LRRTM4: variants seen among roughly 807,000 people sequenced by gnomAD.
LRRTM4 encodes the protein leucine rich repeat transmembrane neuronal 4.
Under a neutral mutation model 47.6 loss-of-function variants are expected in LRRTM4, and 25 were observed. That is an observed-to-expected ratio of 0.53 (90% CI 0.38 to 0.73). The LOEUF (loss-of-function observed/expected upper bound fraction) is 0.73. Ranked by LOEUF, LRRTM4 falls within the 30% of genes least tolerant of loss-of-function variation. The pLI is 0.00. For missense variants in LRRTM4, 638 were observed against 713.4 expected (o/e 0.89, Z 1.20); for synonymous variants, 311 against 269.5 (o/e 1.15, Z -1.51).
intron 3 of LRRTM4, among the ~76,000 whole-genome samples, chr2:76,772,134 G>A: frequency 6.6e-6 from 1 of 152,116 alleles, no homozygotes; most frequent in Non-Finnish European, 1.5e-5. Context: ...GATCATAAGA[G>A]TGGAGCTCTC....
At chr2:77,412,587 T>C (rs536281118) in intron 3 of LRRTM4, among the ~76,000 whole-genome samples, 2 of 152,306 alleles carry the variant, frequency 1.3e-5, no homozygotes, top group African/African-American at 2.4e-5. Flanking sequence ...ACTGAAGATA[T>C]GACAACATTG....
chr2:77,069,226 C>T (rs1205244246), intron 3 of LRRTM4, among the ~76,000 whole-genome samples: 1 of 152,046 alleles, frequency 6.6e-6, no homozygotes, highest in African/African-American at 2.4e-5. Context: ...GTCTCCCCGA[C>T]CGAGTTGGTC....
intron 3 of LRRTM4, among the ~76,000 whole-genome samples, chr2:77,038,382 T>A (rs1320593091): frequency 6.6e-6 from 1 of 151,596 alleles, no homozygotes; most frequent in African/African-American, 2.4e-5. Context: ...AGTCCTAAAA[T>A]AGAATCTGCT....
intron 3 of LRRTM4, among the ~76,000 whole-genome samples, chr2:76,865,660 T>C (rs1672445995): frequency 6.6e-6 from 1 of 152,152 alleles, no homozygotes; most frequent in South Asian, 2.1e-4. Flanking sequence ...TATTTTAGAA[T>C]AAAAGGAATC....
chr2:77,396,941 T>C (rs186996865), intron 3 of LRRTM4, among the ~76,000 whole-genome samples: 161 of 152,068 alleles, frequency 1.1e-3, no homozygotes, highest in African/African-American at 3.7e-3. Context: ...ATAAATCACA[T>C]GTAATAGCAA....
At chr2:76,790,269 GTATGGGGA>G (rs1674903018) in intron 3 of LRRTM4, among the ~76,000 whole-genome samples, 1 of 152,154 alleles carries the variant, frequency 6.6e-6, no homozygotes, top group African/African-American at 2.4e-5. Flanking sequence ...CAGTACGGTG[GTATGGGGA>G]TATGGTGCAG....
intron 3 of LRRTM4, among the ~76,000 whole-genome samples, chr2:77,259,012 C>T (rs1345652161): frequency 1.3e-5 from 2 of 151,910 alleles, no homozygotes; most frequent in Admixed American, 1.3e-4. Context: ...AACATCAAAA[C>T]ACATTTAAAA....
chr2:77,337,460 A>G (rs1301745229), intron 3 of LRRTM4, among the ~76,000 whole-genome samples: 2 of 152,100 alleles, frequency 1.3e-5, no homozygotes, highest in Non-Finnish European at 2.9e-5. Flanking sequence ...TGTAATCCCA[A>G]TAATCTCCAC....
chr2:77,292,341 T>TA (rs1676848851), intron 3 of LRRTM4, among the ~76,000 whole-genome samples: 2 of 151,504 alleles, frequency 1.3e-5, no homozygotes, highest in Admixed American at 6.6e-5. Context: ...GCCATCCCAT[T>TA]ACTGGGTATA....
chr2:76,873,256 G>A (rs930443202), intron 3 of LRRTM4, among the ~76,000 whole-genome samples: 1 of 151,984 alleles, frequency 6.6e-6, no homozygotes, highest in South Asian at 2.1e-4. Flanking sequence ...TTAAAGACAA[G>A]AGGAAACCCA....
intron 3 of LRRTM4, among the ~76,000 whole-genome samples, chr2:77,275,695 G>A (rs34224987): frequency 3.3e-5 from 5 of 151,994 alleles, no homozygotes; most frequent in Admixed American, 6.6e-5. Context: ...ACCTGGACTG[G>A]CCTTTACTCA....
intron 3 of LRRTM4, among the ~76,000 whole-genome samples, chr2:76,857,301 G>GTATATATAATA (rs139653194): frequency 0.093 from 13,584 of 146,032 alleles, 2,029 homozygotes; most frequent in African/African-American, 0.31. Context: ...TAAAAACACA[G>GTATATATAATA]TATATATAAT....
chr2:76,993,035 G>A (rs187075504), intron 3 of LRRTM4, among the ~76,000 whole-genome samples: 274 of 151,648 alleles, frequency 1.8e-3, no homozygotes, highest in African/African-American at 5.9e-3. Flanking sequence ...GGACTTCCTC[G>A]TCAATAACTG....
intron 3 of LRRTM4, among the ~76,000 whole-genome samples, chr2:76,768,167 T>G (rs1169712039): frequency 6.6e-6 from 1 of 152,300 alleles, no homozygotes; most frequent in East Asian, 1.9e-4. Context: ...GGCCTTTGGT[T>G]TGAAAATATA....
intron 3 of LRRTM4, among the ~76,000 whole-genome samples, chr2:77,237,621 TTACACCCACATA>T (rs566922650): frequency 1.2e-3 from 180 of 152,188 alleles, no homozygotes; most frequent in South Asian, 2.3e-3. Flanking sequence ...TTGGGGGTGT[TTACACCCACATA>T]TAGGTTCATC....
chr2:76,917,730 A>G (rs1475747485), intron 3 of LRRTM4, among the ~76,000 whole-genome samples: 1 of 152,168 alleles, frequency 6.6e-6, no homozygotes, highest in Non-Finnish European at 1.5e-5. Context: ...TATGTCCCAC[A>G]AAGGACAGTC....
At chr2:76,826,548 TATGCAAAGAGTGGATTTTGAA>T (rs1322022991) in intron 3 of LRRTM4, among the ~76,000 whole-genome samples, 2 of 151,646 alleles carry the variant, frequency 1.3e-5, no homozygotes, top group African/African-American at 4.8e-5. Context: ...AATACATATA[TATGCAAAGAGTGGATTTTGAA>T]ATTTATCTGT....
rs375442117 is a variant in LRRTM4, at chr2:76,748,655, C to T, written c.*40G>A. The T allele has an allele frequency of 1.6e-6, 2 of 1,228,132 alleles. No homozygotes were observed. Among genetic ancestry groups the T allele is most frequent in the Admixed American group, 1.7e-5 (1 of 58,372 alleles). 76.1% of individuals were successfully genotyped at this position (1,228,132 alleles called of 1,614,324 possible). A position where few individuals can be genotyped will look rare whatever the true frequency, so the allele number is the denominator to read the frequency against. ...CTCCTTTAAGATGAAGGCCCTCCCTCCCCCCCATGGAGCTCCCCAGTGAGG... is the reference window on the plus strand; with the variant it reads ...CTCCTTTAAGATGAAGGCCCTCCCTTCCCCCCATGGAGCTCCCCAGTGAGG... On this transcript the variant is annotated 3_prime_UTR_variant, in exon 4 of 4. Coordinates refer to ENST00000409884, the MANE Select transcript of LRRTM4 (RefSeq NM_001134745.3).
At chr2:76,888,560 AACTT>A (rs1456526015) in intron 3 of LRRTM4, among the ~76,000 whole-genome samples, 4 of 151,768 alleles carry the variant, frequency 2.6e-5, no homozygotes, top group Non-Finnish European at 3.0e-5. Flanking sequence ...AAAGTAGCTA[AACTT>A]ACTTCAAGTA....
Sources: gnomAD v4.1 joint callset for allele counts (sites outside exome capture counted in the v4.1 genomes callset) on GRCh38, gnomAD v4.1.1 for gene constraint, MANE v1.5 for transcripts, NCBI Gene and HGNC (gene_info 2026-07-23, HGNC 2026-07-21) for gene names.